DPYD: variants seen among roughly 807,000 people sequenced by gnomAD.
DPYD encodes the protein dihydropyrimidine dehydrogenase [NADP(+)].
Under a neutral mutation model 116.2 loss-of-function variants are expected in DPYD, and 109 were observed. That is an observed-to-expected ratio of 0.94 (90% CI 0.80 to 1.10). DPYD has a LOEUF of 1.10. Among genes scored for constraint, DPYD ranks in the 50% least tolerant of loss-of-function variants. DPYD has a pLI of 0.00. For missense variants in DPYD, 1,302 were observed against 1,254.5 expected, an observed-to-expected ratio of 1.04 and a Z score of -0.57; for synonymous variants, 440 against 432.0, an observed-to-expected ratio of 1.02 and a Z score of -0.23.
intron 13 of DPYD, among the ~76,000 whole-genome samples, chr1:97,505,129 C>G: frequency 6.6e-6 from 1 of 151,890 alleles, no homozygotes; most frequent in East Asian, 1.9e-4. Flanking sequence ...CCAGTTTTGT[C>G]AGAAAAGAGA....
intron 7 of DPYD, among the ~76,000 whole-genome samples, chr1:97,686,636 C>CAAAAA (rs1159274157): frequency 2.0e-4 from 2 of 10,054 alleles, no homozygotes; most frequent in Admixed American, 1.1e-3. Flanking sequence ...GACTCTGTCT[C>CAAAAA]AAAAAAAAAA....
intron 20 of DPYD, among the ~76,000 whole-genome samples, chr1:97,113,782 A>G (rs1008428700): frequency 6.6e-6 from 1 of 152,128 alleles, no homozygotes; most frequent in Non-Finnish European, 1.5e-5. Flanking sequence ...AAACAAGAAA[A>G]TATAAGGAAA....
intron 10 of DPYD, among the ~76,000 whole-genome samples, chr1:97,577,599 C>T (rs1015191059): frequency 9.2e-5 from 14 of 152,042 alleles, no homozygotes; most frequent in Non-Finnish European, 2.1e-4. Context: ...ATTATGTGTA[C>T]CCCTTCAGGA....
intron 20 of DPYD, among the ~76,000 whole-genome samples, chr1:97,186,478 G>A (rs1165948896): frequency 2.0e-5 from 3 of 152,092 alleles, no homozygotes; most frequent in Non-Finnish European, 2.9e-5. Flanking sequence ...ATGTGCATGT[G>A]TACACATTAA....
chr1:97,773,041 T>C (rs962560170), intron 3 of DPYD, among the ~76,000 whole-genome samples: 5 of 152,210 alleles, frequency 3.3e-5, no homozygotes, highest in Admixed American at 3.3e-4. Context: ...AAAATTTGTT[T>C]TGAACTAACT....
intron 2 of DPYD, among the ~76,000 whole-genome samples, chr1:97,845,693 G>A (rs374994009): frequency 3.3e-5 from 5 of 152,138 alleles, no homozygotes; most frequent in African/African-American, 7.2e-5. Flanking sequence ...CCTACTGCTC[G>A]CCAGGTTGTG....
intron 21 of DPYD, among the ~76,000 whole-genome samples, chr1:97,092,009 T>TACCC (rs1456937641): frequency 6.6e-6 from 1 of 152,190 alleles, no homozygotes; most frequent in East Asian, 1.9e-4. Flanking sequence ...TTCCCCTGGA[T>TACCC]ACCCACATCA....
chr1:97,388,971 G>C (rs1672515516), intron 14 of DPYD, among the ~76,000 whole-genome samples: 2 of 152,030 alleles, frequency 1.3e-5, no homozygotes, highest in South Asian at 2.1e-4. Flanking sequence ...CGAGTAGAGA[G>C]AGAAACAAAT....
intron 1 of DPYD, among the ~76,000 whole-genome samples, chr1:97,904,999 T>A (rs1202365505): frequency 6.6e-6 from 1 of 152,026 alleles, no homozygotes; most frequent in African/African-American, 2.4e-5. Flanking sequence ...ACTTACACAA[T>A]TAAAGTTACC....
At chr1:97,841,917 A>C (rs932930312) in intron 2 of DPYD, among the ~76,000 whole-genome samples, 1 of 151,956 alleles carries the variant, frequency 6.6e-6, no homozygotes, top group Non-Finnish European at 1.5e-5. Flanking sequence ...AAGGGCTTAA[A>C]CAGAGTCTGA....
At chr1:97,351,750 G>A (rs986651365) in intron 16 of DPYD, among the ~76,000 whole-genome samples, 3 of 152,086 alleles carry the variant, frequency 2.0e-5, no homozygotes, top group Non-Finnish European at 2.9e-5. Flanking sequence ...AATCAAACGT[G>A]TTTCAGGAGA....
chr1:97,568,136 T>C (rs929602393), intron 11 of DPYD, among the ~76,000 whole-genome samples: 2 of 152,036 alleles, frequency 1.3e-5, no homozygotes, highest in African/African-American at 4.8e-5. Context: ...CCAAATATAT[T>C]GAACAATTTC....
intron 12 of DPYD, among the ~76,000 whole-genome samples, chr1:97,539,374 T>C (rs1650260214): frequency 6.6e-6 from 1 of 152,306 alleles, no homozygotes; most frequent in Non-Finnish European, 1.5e-5. Flanking sequence ...TTCCTTTTCA[T>C]TTCTTGCCTA....
intron 13 of DPYD, among the ~76,000 whole-genome samples, chr1:97,476,259 T>A (rs1235380385): frequency 6.6e-6 from 1 of 152,216 alleles, no homozygotes; most frequent in African/African-American, 2.4e-5. Flanking sequence ...GCTACATTTC[T>A]GGGTTGGACT....
At chr1:97,455,554 TA>T (rs1360120124) in intron 13 of DPYD, among the ~76,000 whole-genome samples, 1 of 151,914 alleles carries the variant, frequency 6.6e-6, no homozygotes, top group Non-Finnish European at 1.5e-5. Context: ...AAAATCACTC[TA>T]CAAACAAGTC....
chr1:97,543,406 T>A (rs1449087942), intron 12 of DPYD, among the ~76,000 whole-genome samples: 1 of 152,210 alleles, frequency 6.6e-6, no homozygotes, highest in Non-Finnish European at 1.5e-5. Flanking sequence ...AGAAATTGCC[T>A]CCACTTTCTC....
intron 13 of DPYD, among the ~76,000 whole-genome samples, chr1:97,513,541 T>C (rs1647966392): frequency 6.6e-6 from 1 of 151,910 alleles, no homozygotes; most frequent in Admixed American, 6.6e-5. Context: ...CATCCAAATT[T>C]CAAATGTCAA....
At chr1:97,487,236 C>A in intron 13 of DPYD, among the ~76,000 whole-genome samples, 1 of 151,744 alleles carries the variant, frequency 6.6e-6, no homozygotes, top group African/African-American at 2.4e-5. Flanking sequence ...TCTTTATATT[C>A]TATTAATGAG....
At chr1:97,633,042 G>T (rs1461513029) in intron 8 of DPYD, among the ~76,000 whole-genome samples, 1 of 152,006 alleles carries the variant, frequency 6.6e-6, no homozygotes, top group African/African-American at 2.4e-5. Context: ...TATCAAATTT[G>T]CCCAGGCCAC....
Sources: allele counts gnomAD v4.1 joint callset (sites outside exome capture counted in the v4.1 genomes callset), GRCh38; gene constraint gnomAD v4.1.1; transcripts MANE v1.5; gene names NCBI Gene and HGNC (gene_info 2026-07-23, HGNC 2026-07-21).